The following RNGTT variants were observed in gnomAD, a reference collection of about 807,000 sequenced individuals.
The protein encoded by RNGTT is RNA guanylyltransferase and 5'-phosphatase.
A neutral mutation model predicts 79.3 loss-of-function variants in RNGTT; 33 were observed. The ratio of observed to expected loss-of-function variants is 0.42; its 90% CI spans 0.32 to 0.56. The LOEUF is 0.56. RNGTT is among the 20% of genes least tolerant of loss of function. RNGTT has a pLI of 0.17. For missense variants in RNGTT, 497 were observed against 739.1 expected (o/e 0.67, Z 3.80); for synonymous variants, 222 against 235.9 (o/e 0.94, Z 0.54).
chr6:88,822,238 G>A (rs1484504734), intron 11 of RNGTT, among the ~76,000 whole-genome samples: 1 of 151,946 alleles, frequency 6.6e-6, no homozygotes, highest in Non-Finnish European at 1.5e-5. Flanking sequence ...ATTTGGGAAG[G>A]GATTCAAACA....
At chr6:88,855,065 T>C (rs1781799412) in intron 8 of RNGTT, among the ~76,000 whole-genome samples, 1 of 152,054 alleles carries the variant, frequency 6.6e-6, no homozygotes, top group South Asian at 2.1e-4. Flanking sequence ...TGGTGTTTGG[T>C]GTTAAATGAA....
intron 2 of RNGTT, among the ~76,000 whole-genome samples, chr6:88,933,242 T>G (rs2127955453): frequency 6.6e-6 from 1 of 152,370 alleles, no homozygotes; most frequent in East Asian, 1.9e-4. Context: ...CCTTGAATAT[T>G]TATCATTTCT....
At chr6:88,817,228 C>T (rs1780340069) in intron 11 of RNGTT, among the ~76,000 whole-genome samples, 1 of 152,108 alleles carries the variant, frequency 6.6e-6, no homozygotes, top group Non-Finnish European at 1.5e-5. Flanking sequence ...TTCAGAACCT[C>T]TTCATACCAT....
chr6:88,896,119 C>G (rs981581751), intron 6 of RNGTT, among the ~76,000 whole-genome samples: 20 of 152,306 alleles, frequency 1.3e-4, no homozygotes, highest in Admixed American at 8.5e-4. Flanking sequence ...TCACTGCTTT[C>G]CTAATCTCTT....
Position 88,617,961 on chromosome 6 carries a change from T to C in RNGTT, c.1507-3566A>G, listed in dbSNP as rs73752974. Among the ~76,000 whole-genome samples, 776 of 152,288 alleles carry C rather than the reference T, an allele frequency of 5.1e-3. 7 individuals are homozygous for C. The highest frequency in any genetic ancestry group is 0.018 in the African/African-American group (731 of 41,576). The stretch of plus-strand genomic sequence containing the variant: ...AACAGCTGTCAAGAAAATTTTATCA[T>C]ATGTACTTTACAAGAATGGCTTGCT... On this transcript the variant is annotated intron_variant, in intron 14 of 15. Coordinates refer to ENST00000369485, the MANE Select transcript of RNGTT (RefSeq NM_003800.5).
intron 13 of RNGTT, among the ~76,000 whole-genome samples, chr6:88,686,851 G>C (rs1160311292): frequency 6.6e-6 from 1 of 151,840 alleles, no homozygotes; most frequent in Admixed American, 6.6e-5. Flanking sequence ...CAAATGGATT[G>C]GGAATCTAAG....
chr6:88,748,132 G>A (rs930638960), intron 13 of RNGTT, among the ~76,000 whole-genome samples: 2 of 151,860 alleles, frequency 1.3e-5, no homozygotes, highest in African/African-American at 4.8e-5. Context: ...ACTCTTTCCT[G>A]ACCCTTTCCT....
At chr6:88,878,160 A>G (rs1288552834) in intron 8 of RNGTT, among the ~76,000 whole-genome samples, 3 of 151,840 alleles carry the variant, frequency 2.0e-5, no homozygotes, top group African/African-American at 4.8e-5. Context: ...TAGTGGTACA[A>G]TCTCGGCTCA....
intron 13 of RNGTT, among the ~76,000 whole-genome samples, chr6:88,732,905 T>C (rs1288432045): frequency 6.6e-6 from 1 of 152,194 alleles, no homozygotes; most frequent in Non-Finnish European, 1.5e-5. Flanking sequence ...AATGTATTTA[T>C]ACTACTACTG....
At chr6:88,960,125 C>T (rs1935547605) in intron 1 of RNGTT, among the ~76,000 whole-genome samples, 1 of 152,196 alleles carries the variant, frequency 6.6e-6, no homozygotes, top group South Asian at 2.1e-4. Context: ...AGAGTCATTG[C>T]TACATTTTTT....
chr6:88,891,700 T>C (rs1582589964), intron 7 of RNGTT, 106 bp downstream of exon 7: 3 of 628,890 alleles, frequency 4.8e-6, no homozygotes, highest in Non-Finnish European at 7.5e-6. Context: ...AAGTATTCTA[T>C]TGCAAACATA....
chr6:88,639,802 A>G (rs1485926413), intron 14 of RNGTT, among the ~76,000 whole-genome samples: 1 of 152,252 alleles, frequency 6.6e-6, no homozygotes, highest in Non-Finnish European at 1.5e-5. Flanking sequence ...AGAGCCAGGT[A>G]CTGTTCTAAG....
At chr6:88,673,212 C>G (rs1420387782) in intron 14 of RNGTT, among the ~76,000 whole-genome samples, 1 of 152,150 alleles carries the variant, frequency 6.6e-6, no homozygotes, top group Non-Finnish European at 1.5e-5. Context: ...AATTTCATAT[C>G]CTGATTTAAT....
intron 8 of RNGTT, among the ~76,000 whole-genome samples, chr6:88,873,477 G>A (rs1268436771): frequency 6.6e-6 from 1 of 151,856 alleles, no homozygotes; most frequent in Non-Finnish European, 1.5e-5. Flanking sequence ...CAAAAAGAAA[G>A]GAAGAAAATA....
chr6:88,774,524 A>G (rs1778807465), intron 12 of RNGTT, among the ~76,000 whole-genome samples: 1 of 152,230 alleles, frequency 6.6e-6, no homozygotes, highest in East Asian at 1.9e-4. Flanking sequence ...TTGTATGTCA[A>G]TGTTCATTGA....
At chr6:88,844,561 A>G (rs1429176914) in intron 10 of RNGTT, 40 bp from the exon 11 acceptor site, 1 of 1,557,552 alleles carries the variant, frequency 6.4e-7, no homozygotes, top group Admixed American at 1.8e-5. Context: ...CAACACTAAC[A>G]ACTATTTTAT....
At chr6:88,942,309 A>G (rs1784877271) in intron 1 of RNGTT, among the ~76,000 whole-genome samples, 1 of 152,096 alleles carries the variant, frequency 6.6e-6, no homozygotes, top group Non-Finnish European at 1.5e-5. Context: ...TTTCTGAATG[A>G]CAGTATAGCA....
intron 12 of RNGTT, among the ~76,000 whole-genome samples, chr6:88,794,608 C>G (rs77470494): frequency 1.3e-5 from 2 of 152,066 alleles, no homozygotes; most frequent in East Asian, 3.9e-4. Flanking sequence ...AACCACAGCC[C>G]ATAGATTTTT....
At chr6:88,823,823 CAA>C (rs907524034) in intron 11 of RNGTT, among the ~76,000 whole-genome samples, 6 of 151,908 alleles carry the variant, frequency 3.9e-5, no homozygotes, top group African/African-American at 1.2e-4. Flanking sequence ...ATCAGGCTAA[CAA>C]AAGAGTTGAG....
Sources: allele counts gnomAD v4.1 joint callset (sites outside exome capture counted in the v4.1 genomes callset), GRCh38; gene constraint gnomAD v4.1.1; transcripts MANE v1.5; gene names NCBI Gene and HGNC (gene_info 2026-07-23, HGNC 2026-07-21).